Variants in ORC4 observed in about 807,000 individuals in gnomAD.
The protein encoded by ORC4 is origin recognition complex, subunit 4 homolog.
Under a neutral mutation model 63.9 loss-of-function variants are expected in ORC4, and 55 were observed. The ratio of observed to expected loss-of-function variants is 0.86; its 90% CI spans 0.69 to 1.08. The LOEUF is 1.08. ORC4 is among the 50% of genes least tolerant of loss of function. ORC4 has a pLI of 0.00. For synonymous variants in ORC4, 150 were observed against 168.5 expected (o/e 0.89, Z 0.85); for missense variants, 511 against 504.4 (o/e 1.01, Z -0.13).
At chr2:147,972,639 C>A in intron 4 of ORC4, 100 bp downstream of exon 4, 2 of 583,506 alleles carry the variant, frequency 3.4e-6, no homozygotes, top group Admixed American at 3.3e-5. Context: ...AAAGTATTTT[C>A]AGTATTACAT....
intron 9 of ORC4, 127 bp downstream of exon 9, chr2:147,947,924 T>A (rs1573763486): frequency 1.4e-6 from 1 of 727,554 alleles, no homozygotes; most frequent in East Asian, 2.7e-5. Flanking sequence ...ATAATTTGTA[T>A]TACTGCAGCA....
intron 1 of ORC4, among the ~76,000 whole-genome samples, chr2:148,004,927 GA>G (rs1446842415): frequency 1.3e-5 from 2 of 152,202 alleles, no homozygotes; most frequent in African/African-American, 4.8e-5. Context: ...AGAGGATGTG[GA>G]AAAACAGGAA....
intron 6 of ORC4, 93 bp downstream of exon 6, chr2:147,958,205 C>T (rs907029030): frequency 6.5e-6 from 5 of 764,060 alleles, no homozygotes; most frequent in African/African-American, 5.3e-5. Context: ...ATTTCTGAAC[C>T]TCTCCCTACC....
chr2:147,994,010 T>G (rs1691785923), intron 1 of ORC4, among the ~76,000 whole-genome samples: 1 of 152,198 alleles, frequency 6.6e-6, no homozygotes, highest in Non-Finnish European at 1.5e-5. Flanking sequence ...GTAGAAAGGT[T>G]GCAGGATACA....
intron 10 of ORC4, among the ~76,000 whole-genome samples, chr2:147,942,201 C>T (rs1414366720): frequency 1.3e-5 from 2 of 152,052 alleles, no homozygotes; most frequent in Non-Finnish European, 2.9e-5. Flanking sequence ...TAGCTACTGT[C>T]ATTATTATTC....
chr2:147,940,564 CTGTGG>C (rs1688311603), intron 10 of ORC4, among the ~76,000 whole-genome samples: 1 of 151,774 alleles, frequency 6.6e-6, no homozygotes, highest in Admixed American at 6.6e-5. Context: ...GATAAAGAAA[CTGTGG>C]TATATATATA....
intron 10 of ORC4, 88 bp downstream of exon 10, chr2:147,943,348 C>T (rs577473504): frequency 9.4e-5 from 80 of 855,006 alleles, no homozygotes; most frequent in South Asian, 9.2e-4. Context: ...GCCAGGAGTT[C>T]GCAACCAGTC....
intron 1 of ORC4, among the ~76,000 whole-genome samples, chr2:147,990,565 T>C (rs892124292): frequency 6.6e-6 from 1 of 152,230 alleles, no homozygotes; most frequent in Non-Finnish European, 1.5e-5. Context: ...CTATATCAAG[T>C]TGGGGCACAG....
intron 10 of ORC4, among the ~76,000 whole-genome samples, chr2:147,943,185 G>A (rs1323101387): frequency 6.6e-6 from 1 of 151,970 alleles, no homozygotes; most frequent in African/African-American, 2.4e-5. Flanking sequence ...AATGCATGTC[G>A]ATTCTCCCAA....
At chr2:147,942,520 GA>G (rs1688423664) in intron 10 of ORC4, among the ~76,000 whole-genome samples, 1 of 152,020 alleles carries the variant, frequency 6.6e-6, no homozygotes, top group Admixed American at 6.6e-5. Context: ...AAACGATCGA[GA>G]ATAAGCATTT....
chr2:147,956,645 T>C (rs752959363), intron 6 of ORC4, among the ~76,000 whole-genome samples: 2 of 152,080 alleles, frequency 1.3e-5, no homozygotes, highest in Non-Finnish European at 2.9e-5. Flanking sequence ...TCTATAGCAG[T>C]ATTTCTCTAT....
intron 1 of ORC4, among the ~76,000 whole-genome samples, chr2:147,986,699 G>C (rs1691216690): frequency 6.6e-6 from 1 of 151,962 alleles, no homozygotes; most frequent in East Asian, 1.9e-4. Context: ...TGGAGTGTGT[G>C]TGTTGCAGGA....
chr2:147,987,183 C>CT (rs1691254999), intron 1 of ORC4, among the ~76,000 whole-genome samples: 1 of 128,190 alleles, frequency 7.8e-6, no homozygotes, highest in Admixed American at 8.2e-5. Context: ...AGATTGAGAT[C>CT]TTTAAAAAAA....
chr2:147,994,647 T>C (rs1024885635), intron 1 of ORC4, among the ~76,000 whole-genome samples: 2 of 152,100 alleles, frequency 1.3e-5, no homozygotes, highest in Admixed American at 6.5e-5. Context: ...TGCCAAAACA[T>C]GAATTGACAC....
chr2:147,962,434 C>T lies in ORC4; in HGVS notation c.226-3568G>A, dbSNP rs573542589. On this transcript the variant is annotated intron_variant, in intron 4 of 13. Transcript: ENST00000392857. ...CCAGAGCCACCTCTGTTGTGCGCCC[C>T]GCTCTGTGGGCCAGTAGTCACTGCA... Among the ~76,000 whole-genome samples the T allele has an allele frequency of 3.0e-4, 45 of 152,270 alleles. No homozygotes were observed. The South Asian group carries it at 6.8e-3, about 23-fold the overall frequency.
In ORC4 at chr2:147,975,975, C is replaced by T. The variant is rs1558855820; in HGVS notation, c.-17G>A. The T allele has an allele frequency of 6.8e-7, 1 of 1,463,156 alleles. No homozygotes were observed. The highest frequency in any genetic ancestry group is 1.9e-5 in the Admixed American group (1 of 53,958). The allele number at this position is 1,463,156 out of a possible 1,614,324, so 90.6% of individuals were successfully genotyped here. On this transcript the variant is annotated splice_region_variant and 5_prime_UTR_variant, in exon 2 of 14. Coordinates refer to ENST00000392857, the MANE Select transcript of ORC4 (RefSeq NM_181741.4). Reference sequence around the variant, plus strand: ...ACTGCTCATTTCAACAAATTCAAATCCTTTAAAAAAATTGGCATAAATATT... The same window carrying T: ...ACTGCTCATTTCAACAAATTCAAATTCTTTAAAAAAATTGGCATAAATATT...
intron 1 of ORC4, among the ~76,000 whole-genome samples, chr2:147,981,229 C>G (rs1690867559): frequency 6.6e-6 from 1 of 152,134 alleles, no homozygotes; most frequent in Non-Finnish European, 1.5e-5. Flanking sequence ...GTACCCAACT[C>G]TCTCTATATA....
chr2:148,014,054 A>G (rs1684470222), intron 1 of ORC4, among the ~76,000 whole-genome samples: 1 of 152,174 alleles, frequency 6.6e-6, no homozygotes, highest in African/African-American at 2.4e-5. Context: ...TAAAAAAATC[A>G]AAGCACAAGG....
At chr2:147,998,381 C>T (rs1267352425) in intron 1 of ORC4, among the ~76,000 whole-genome samples, 2 of 152,112 alleles carry the variant, frequency 1.3e-5, no homozygotes, top group African/African-American at 2.4e-5. Context: ...CTGGGTTCTA[C>T]GGGTAGATGC....
Sources: allele counts gnomAD v4.1 joint callset (sites outside exome capture counted in the v4.1 genomes callset), GRCh38; gene constraint gnomAD v4.1.1; transcripts MANE v1.5; gene names NCBI Gene and HGNC (gene_info 2026-07-23, HGNC 2026-07-21).